SCN11A: variants seen among roughly 807,000 people sequenced by gnomAD.
SCN11A encodes the protein sodium voltage-gated channel alpha subunit 11.
SCN11A carries 122 observed loss-of-function variants against 162.2 expected under a neutral mutation model. The ratio of observed to expected loss-of-function variants is 0.75; its 90% confidence interval spans 0.65 to 0.87. SCN11A has a LOEUF of 0.87. Ranked by LOEUF, SCN11A falls within the 40% of genes least tolerant of loss-of-function variation. SCN11A has a pLI of 0.00. For synonymous variants in SCN11A, 758 were observed against 751.5 expected, an observed-to-expected ratio of 1.01 and a Z score of -0.14; for missense variants, 2,015 against 2,181.6, an observed-to-expected ratio of 0.92 and a Z score of 1.52.
At chr3:38,951,087 G>A (rs2066606316) in intron 4 of SCN11A, among the ~76,000 whole-genome samples, 1 of 152,248 alleles carries the variant, frequency 6.6e-6, no homozygotes, top group Non-Finnish European at 1.5e-5. Flanking sequence ...GCTGCACTGT[G>A]GAAGCCCCTT....
rs561204433 is a variant in SCN11A at position 39,042,957 on chromosome 3, C to CA, written c.-404+8903dup. 3.0e-3 allele frequency among the ~76,000 whole-genome samples: 198 copies of CA among 65,690 alleles called. 1 individual carries two copies. The highest frequency in any genetic ancestry group is 5.5e-3 in the South Asian group (8 of 1,460). 43.1% of individuals were successfully genotyped at this position (65,690 alleles called of 152,430 possible). ...GGGCAACAAGAGCGAAACTCCATCTCAAAAAAAAAAAAAAAAAAAAAAGAA... is the reference window on the plus strand; with the variant it reads ...GGGCAACAAGAGCGAAACTCCATCTCAAAAAAAAAAAAAAAAAAAAAAAGAA... On this transcript the variant is annotated intron_variant, in intron 1 of 29. Transcript: ENST00000302328.
chr3:39,031,535 AAAC>A (rs141107638), intron 2 of SCN11A, among the ~76,000 whole-genome samples: 16 of 135,060 alleles, frequency 1.2e-4, no homozygotes, highest in African/African-American at 4.1e-4. Flanking sequence ...AACAAAAAAC[AAAC>A]AAACAAAAAA....
intron 2 of SCN11A, among the ~76,000 whole-genome samples, chr3:39,020,739 C>T (rs1418896899): frequency 6.6e-6 from 1 of 152,068 alleles, no homozygotes; most frequent in Non-Finnish European, 1.5e-5. Flanking sequence ...CTGAGATTAC[C>T]TCCTAAATCT....
At chr3:38,889,021 GA>G (rs780328117) in intron 19 of SCN11A, among the ~76,000 whole-genome samples, 1 of 151,038 alleles carries the variant, frequency 6.6e-6, no homozygotes. Flanking sequence ...TAATGAAATT[GA>G]AAAAAAAGAT....
At chr3:38,864,209 TA>T (rs1453611512) in intron 27 of SCN11A, among the ~76,000 whole-genome samples, 3 of 152,220 alleles carry the variant, frequency 2.0e-5, no homozygotes, top group South Asian at 2.1e-4. Flanking sequence ...AGACTATGAG[TA>T]AAAAGCCAGT....
chr3:39,011,979 AG>A (rs1398021257), intron 2 of SCN11A, among the ~76,000 whole-genome samples: 2 of 152,252 alleles, frequency 1.3e-5, no homozygotes, highest in African/African-American at 2.4e-5. Context: ...AAAACATTTT[AG>A]AAAAGAAAAA....
At chr3:38,935,669 T>C (rs2066319344) in intron 7 of SCN11A, among the ~76,000 whole-genome samples, 1 of 152,142 alleles carries the variant, frequency 6.6e-6, no homozygotes, top group South Asian at 2.1e-4. Flanking sequence ...CTCCCAAGAC[T>C]AAACCAGGAA....
rs184088468 is a variant in SCN11A, at chr3:38,894,847, G to A, written c.2521C>T (p.Arg841Trp). 3.2e-5 allele frequency: 52 copies of A among 1,614,150 alleles called. No individual in the cohort carries two copies. Among genetic ancestry groups the A allele is most frequent in the East Asian group, 2.9e-4 (13 of 44,884 alleles). The change falls in exon 19 of 30, where the codon CGG becomes TGG. Residue 841 changes from arginine to tryptophan, a missense_variant. Coordinates refer to ENST00000302328, the MANE Select transcript of SCN11A (RefSeq NM_001349253.2). ...KVQLALDRFR[R>W]AFCFVRHTLE... ...GTGTGTCTCACAAAACAAAAAGCCC[G>A]GCGGAATCGATCCAGTGCTAACTGG...
At chr3:38,938,540 ATATATATATATTTTTTTTTTTTTTTTTTT>A (rs1324643999) in intron 7 of SCN11A, among the ~76,000 whole-genome samples, 371 of 24,134 alleles carry the variant, frequency 0.015, 9 homozygotes, top group African/African-American at 0.073. Flanking sequence ...ATATATATAT[ATATATATATATTTTTTTTTTTTTTTTTTT>A]TTTTTTTTTT....
At chr3:39,045,441 A>G (rs559976381) in intron 1 of SCN11A, among the ~76,000 whole-genome samples, 104 of 152,374 alleles carry the variant, frequency 6.8e-4, no homozygotes, top group Admixed American at 1.2e-3. Flanking sequence ...AGGATTACAC[A>G]TGATGATCAA....
chr3:38,985,092 C>T lies in SCN11A; in HGVS notation c.-279-24669G>A, dbSNP rs1430926021. On this transcript the variant is annotated intron_variant, in intron 2 of 29. Transcript: ENST00000302328. ...GGGCTTAAACAGAGGATGACATATTCGGATTTTTTAAAAAAATGTCTTTCT... is the reference window on the plus strand; with the variant it reads ...GGGCTTAAACAGAGGATGACATATTTGGATTTTTTAAAAAAATGTCTTTCT... Among the ~76,000 whole-genome samples the T allele has an allele frequency of 2.7e-5, 4 of 147,658 alleles. 1 individual carries two copies. Among genetic ancestry groups the T allele is most frequent in the Non-Finnish European group, 4.4e-5 (3 of 67,592 alleles).
intron 23 of SCN11A, among the ~76,000 whole-genome samples, chr3:38,879,586 CT>C (rs1256715902): frequency 6.6e-6 from 1 of 152,088 alleles, no homozygotes; most frequent in Non-Finnish European, 1.5e-5. Context: ...TGCTGACCAG[CT>C]TTGAGAAGTC....
At chr3:39,047,328 A>G (rs2032209349) in intron 1 of SCN11A, among the ~76,000 whole-genome samples, 1 of 151,946 alleles carries the variant, frequency 6.6e-6, no homozygotes, top group Admixed American at 6.6e-5. Context: ...CCTATATGAA[A>G]AGGAAAGAAA....
chr3:38,943,250 G>A (rs916922993), intron 7 of SCN11A, among the ~76,000 whole-genome samples: 12 of 152,050 alleles, frequency 7.9e-5, no homozygotes, highest in African/African-American at 1.9e-4. Flanking sequence ...AAATGTATAC[G>A]AAATTCTTAA....
chr3:38,973,951 G>A (rs758432780), intron 2 of SCN11A, among the ~76,000 whole-genome samples: 2 of 152,218 alleles, frequency 1.3e-5, no homozygotes, highest in African/African-American at 4.8e-5. Flanking sequence ...TTCTGAAGGG[G>A]TTGTACTGTG....
intron 2 of SCN11A, among the ~76,000 whole-genome samples, chr3:39,008,109 T>A (rs902584348): frequency 6.6e-6 from 1 of 152,206 alleles, no homozygotes. Context: ...GCAAAAAGTT[T>A]TTATTTTAAT....
intron 4 of SCN11A, among the ~76,000 whole-genome samples, chr3:38,951,012 G>T (rs902456438): frequency 2.0e-5 from 3 of 152,242 alleles, no homozygotes; most frequent in Non-Finnish European, 2.9e-5. Context: ...GCCCTCGCTC[G>T]CTCTAGGCGC....
At chr3:38,854,614 AG>A (rs1253441516) in intron 28 of SCN11A, among the ~76,000 whole-genome samples, 9 of 152,218 alleles carry the variant, frequency 5.9e-5, no homozygotes, top group Non-Finnish European at 1.3e-4. Flanking sequence ...ATCCTTTGAA[AG>A]AAGTGACATG....
Position 38,847,450 on chromosome 3 carries a change from G to C in SCN11A, c.4620C>G (p.Ser1540Arg). ...TGCTTATCTGGAAGAGACAGAGCAT[G>C]CTGCTGGCAAAAGTCTTGAAGTTGA... ...DIFNFKTFASSMLCLFQISTS... is the reference protein window; with the variant it reads ...DIFNFKTFASRMLCLFQISTS... Residue 1540 changes from serine (S) to arginine (R), a missense_variant, in exon 30 of 30, where the codon AGC becomes AGG. Physicochemically the swap from Ser to Arg is moderately radical, Grantham distance 110 (BLOSUM62 -1). Transcript: ENST00000302328. The C allele has an allele frequency of 2.5e-6, 4 of 1,614,198 alleles. No homozygotes were observed. The highest frequency in any genetic ancestry group is 3.4e-6 in the Non-Finnish European group (4 of 1,180,034).
Sources: allele counts gnomAD v4.1 joint callset (sites outside exome capture counted in the v4.1 genomes callset), GRCh38; gene constraint gnomAD v4.1.1; transcripts MANE v1.5; gene names NCBI Gene and HGNC (gene_info 2026-07-23, HGNC 2026-07-21).